The following CNBD1 variants were observed in gnomAD, a reference collection of about 807,000 sequenced individuals.
CNBD1 encodes the protein cyclic nucleotide-binding domain-containing protein 1.
CNBD1 carries 71 observed loss-of-function variants against 54.4 expected under a neutral mutation model. The observed-to-expected ratio is 1.30, with a 90% CI of 1.08 to 1.59. The LOEUF (loss-of-function observed/expected upper bound fraction) is 1.59. Ranked by LOEUF, CNBD1 falls within the 40% of genes most tolerant of loss-of-function variation. The probability of loss-of-function intolerance (pLI) is 0.00; values close to 1 mark genes in which losing one functional copy is unlikely to be tolerated. For missense variants in CNBD1, 659 were observed against 518.0 expected (o/e 1.27, Z -2.64); for synonymous variants, 182 against 170.7 (o/e 1.07, Z -0.51).
downstream of CNBD1, among the ~76,000 whole-genome samples, chr8:87,385,456 C>T (rs1040465769): frequency 6.6e-6 from 1 of 152,012 alleles, no homozygotes; most frequent in African/African-American, 2.4e-5. Flanking sequence ...GCAAATGGCA[C>T]ACCAGGAGAT....
chr8:87,254,372 C>A (rs1303606157), intron 6 of CNBD1, among the ~76,000 whole-genome samples: 2 of 152,130 alleles, frequency 1.3e-5, no homozygotes, highest in Non-Finnish European at 2.9e-5. Flanking sequence ...GTGGTTCAAT[C>A]AAAGCATTTC....
At chr8:87,333,482 G>A (rs1383208608) in intron 8 of CNBD1, among the ~76,000 whole-genome samples, 1 of 152,080 alleles carries the variant, frequency 6.6e-6, no homozygotes, top group African/African-American at 2.4e-5. Context: ...ACCAGCTTTT[G>A]CCCATTCAGT....
At chr8:87,074,017 T>C (rs1433862723) in intron 4 of CNBD1, among the ~76,000 whole-genome samples, 1 of 149,554 alleles carries the variant, frequency 6.7e-6, no homozygotes, top group Non-Finnish European at 1.5e-5. Context: ...AGGAGAATGG[T>C]GTGAACCTGG....
chr8:87,139,632 G>T (rs1158785003), intron 4 of CNBD1, among the ~76,000 whole-genome samples: 2 of 152,144 alleles, frequency 1.3e-5, no homozygotes, highest in Non-Finnish European at 2.9e-5. Flanking sequence ...AGTTGAGTTG[G>T]AGGGCTTGGC....
intron 3 of CNBD1, among the ~76,000 whole-genome samples, chr8:86,920,087 G>T (rs548651710): frequency 6.6e-6 from 1 of 152,096 alleles, no homozygotes; most frequent in African/African-American, 2.4e-5. Context: ...ACATTTTAAA[G>T]CATTAATTCA....
At chr8:87,082,124 A>G (rs754975251) in intron 4 of CNBD1, among the ~76,000 whole-genome samples, 6 of 152,248 alleles carry the variant, frequency 3.9e-5, no homozygotes, top group Non-Finnish European at 8.8e-5. Flanking sequence ...CAACTGAAGA[A>G]CCACAAAGAT....
chr8:86,969,243 A>T (rs1396431018), intron 4 of CNBD1, among the ~76,000 whole-genome samples: 1 of 152,088 alleles, frequency 6.6e-6, no homozygotes, highest in Non-Finnish European at 1.5e-5. Context: ...TGTTTTTTAA[A>T]ATCTAACTAT....
intron 8 of CNBD1, among the ~76,000 whole-genome samples, chr8:87,332,127 C>T (rs1049239135): frequency 6.6e-6 from 1 of 152,016 alleles, no homozygotes; most frequent in South Asian, 2.1e-4. Flanking sequence ...GCAGGTGGAT[C>T]GTTTGAGGTC....
chr8:87,356,244 G>T (rs935932038), intron 10 of CNBD1, among the ~76,000 whole-genome samples: 5 of 152,172 alleles, frequency 3.3e-5, no homozygotes, highest in Non-Finnish European at 7.3e-5. Context: ...AGCAGCTTTG[G>T]AACTGGGTAG....
intron 10 of CNBD1, among the ~76,000 whole-genome samples, chr8:87,366,694 G>A (rs1243929751): frequency 6.6e-6 from 1 of 152,032 alleles, no homozygotes; most frequent in Admixed American, 6.6e-5. Context: ...TAGTGCTGGA[G>A]GTCAGCAGTG....
chr8:87,237,361 T>G (rs866081303), intron 6 of CNBD1: 4 of 303,062 alleles, frequency 1.3e-5, no homozygotes, highest in Non-Finnish European at 6.0e-6. Context: ...ACAAGGTTGA[T>G]GTGGCTGGAT....
intron 4 of CNBD1, among the ~76,000 whole-genome samples, chr8:87,030,729 G>C (rs898000518): frequency 6.6e-6 from 1 of 152,014 alleles, no homozygotes. Context: ...CAGTGATTCA[G>C]CTAGAACTCA....
intron 4 of CNBD1, among the ~76,000 whole-genome samples, chr8:87,194,197 G>A (rs1253908939): frequency 6.6e-6 from 1 of 152,144 alleles, no homozygotes; most frequent in African/African-American, 2.4e-5. Flanking sequence ...TACCAAAATG[G>A]TTGGGGAACA....
At chr8:87,305,310 A>C (rs141700851) in intron 8 of CNBD1, among the ~76,000 whole-genome samples, 3 of 152,202 alleles carry the variant, frequency 2.0e-5, no homozygotes, top group Admixed American at 2.0e-4. Flanking sequence ...TAGAACTGAT[A>C]TTGTGAAAAT....
intron 4 of CNBD1, among the ~76,000 whole-genome samples, chr8:86,987,111 A>G (rs1459626651): frequency 6.6e-6 from 1 of 152,184 alleles, no homozygotes; most frequent in Non-Finnish European, 1.5e-5. Flanking sequence ...TAGTGTGGCC[A>G]TTTTAATAAC....
chr8:86,939,228 A>G (rs1166638891), intron 3 of CNBD1, among the ~76,000 whole-genome samples: 1 of 152,192 alleles, frequency 6.6e-6, no homozygotes. Context: ...GGTGCTAAAA[A>G]AAAACACTGA....
At chr8:87,328,199 T>A (rs1274932417) in intron 8 of CNBD1, among the ~76,000 whole-genome samples, 1 of 152,086 alleles carries the variant, frequency 6.6e-6, no homozygotes, top group Admixed American at 6.6e-5. Context: ...TTGTTCGATA[T>A]CCAGTTTTTC....
chr8:87,320,345 T>C (rs953673720), intron 8 of CNBD1, among the ~76,000 whole-genome samples: 7 of 152,108 alleles, frequency 4.6e-5, no homozygotes, highest in African/African-American at 1.7e-4. Context: ...TTAAAACAAG[T>C]AATAAGATAC....
intron 4 of CNBD1, among the ~76,000 whole-genome samples, chr8:87,061,218 A>C (rs969667864): frequency 6.6e-6 from 1 of 152,142 alleles, no homozygotes; most frequent in African/African-American, 2.4e-5. Flanking sequence ...GCTTGCTTGA[A>C]CTTTGTGTCA....
Sources: allele counts gnomAD v4.1 joint callset (sites outside exome capture counted in the v4.1 genomes callset), GRCh38; gene constraint gnomAD v4.1.1; transcripts MANE v1.5; gene names NCBI Gene and HGNC (gene_info 2026-07-23, HGNC 2026-07-21).